The following DDI2 variants were observed in gnomAD, a reference collection of about 807,000 sequenced individuals.
DDI2 encodes the protein DDI proteasomal shuttling factor 2, also known as protein DDI1 homolog 2.
Under a neutral mutation model 48.1 loss-of-function variants are expected in DDI2, and 5 were observed. The ratio of observed to expected loss-of-function variants is 0.10; its 90% CI spans 0.05 to 0.22. The LOEUF is 0.22. Ranked by LOEUF, DDI2 falls within the 10% of genes least tolerant of loss-of-function variation. The pLI is 1.00. For synonymous variants in DDI2, 205 were observed against 183.6 expected (o/e 1.12, Z -0.94); for missense variants, 285 against 506.2 (o/e 0.56, Z 4.19).
intron 6 of DDI2, among the ~76,000 whole-genome samples, chr1:15,648,924 G>A (rs1640132793): frequency 6.6e-6 from 1 of 151,836 alleles, no homozygotes; most frequent in African/African-American, 2.4e-5. Context: ...CTTGTGTAAG[G>A]AAGGAGTTCT....
chr1:15,652,297 G>C (rs1202708481), intron 8 of DDI2, among the ~76,000 whole-genome samples: 7 of 151,536 alleles, frequency 4.6e-5, no homozygotes, highest in African/African-American at 1.7e-4. Context: ...GGCTCAAGCA[G>C]TCCTCCTGCC....
At position 15,630,446 on chromosome 1, in the gene DDI2, G is replaced by A. The variant is rs1639825793; in HGVS notation, c.390G>A (p.Gln130=). 1.9e-6 allele frequency: 3 copies of A among 1,614,114 alleles called. No homozygotes were observed. Among genetic ancestry groups the A allele is most frequent in the Admixed American group, 1.7e-5 (1 of 60,004 alleles). Residue 130 remains glutamine, a synonymous_variant, in exon 3 of 10, where the codon CAG becomes CAA. Transcript: ENST00000480945. ...SSPGEITSSP[Q]GLDNPALLRD... is the part of the protein sequence containing the mutation. ...CTGGAGAAATAACTTCATCTCCTCAGGGCTTGGACAATCCAGCCTTGCTCC... is the reference window on the plus strand; with the variant it reads ...CTGGAGAAATAACTTCATCTCCTCAAGGCTTGGACAATCCAGCCTTGCTCC...
chr1:15,621,620 G>A (rs1292427378), intron 1 of DDI2, among the ~76,000 whole-genome samples: 2 of 152,114 alleles, frequency 1.3e-5, no homozygotes, highest in East Asian at 1.9e-4. Flanking sequence ...TCCTGACCTC[G>A]GATGATCTGC....
At chr1:15,643,031 C>T (rs1440543062) in intron 5 of DDI2, among the ~76,000 whole-genome samples, 2 of 152,048 alleles carry the variant, frequency 1.3e-5, no homozygotes, top group Non-Finnish European at 2.9e-5. Context: ...TGCGCCACTG[C>T]ACTTCAGCCT....
At position 15,626,650 on chromosome 1, in the gene DDI2, A is replaced by G. The variant is rs967176786; in HGVS notation, c.139-19A>G. ...ACTTCTCAGTGCTTTATACTGTTGT[A>G]TATCTTTTCTTGTTGTAGATCGTCT... On this transcript the variant is annotated intron_variant, in intron 1 of 9. Coordinates refer to ENST00000480945, the MANE Select transcript of DDI2 (RefSeq NM_032341.5). The G allele has an allele frequency of 6.2e-6, 10 of 1,613,936 alleles. No individual in the cohort carries two copies. The highest frequency in any genetic ancestry group is 1.1e-5 in the South Asian group (1 of 91,080).
intron 6 of DDI2, among the ~76,000 whole-genome samples, chr1:15,644,559 A>C (rs1640056252): frequency 7.2e-6 from 1 of 139,402 alleles, no homozygotes; most frequent in Non-Finnish European, 1.6e-5. Context: ...TTTATGTGAA[A>C]GTTTTCTTTT....
intron 5 of DDI2, among the ~76,000 whole-genome samples, chr1:15,641,244 G>A (rs1310275615): frequency 6.6e-6 from 1 of 152,120 alleles, no homozygotes; most frequent in African/African-American, 2.4e-5. Context: ...GGCTGAGGCG[G>A]GTAGACCATT....
At chr1:15,657,449 G>A (rs1238126088) in intron 9 of DDI2, among the ~76,000 whole-genome samples, 1 of 152,162 alleles carries the variant, frequency 6.6e-6, no homozygotes, top group Non-Finnish European at 1.5e-5. Flanking sequence ...AGCAGGCATA[G>A]TTGAATTATT....
intron 6 of DDI2, 42 bp from the exon 7 acceptor site, chr1:15,649,678 G>A (rs1386299721): frequency 6.3e-7 from 1 of 1,585,182 alleles, no homozygotes; most frequent in Admixed American, 1.8e-5. Context: ...TCTCTGTTTT[G>A]AAGTACGTAA....
intron 8 of DDI2, 26 bp from the exon 9 acceptor site, chr1:15,656,591 G>C (rs1481004016): frequency 6.2e-7 from 1 of 1,614,114 alleles, no homozygotes; most frequent in Admixed American, 1.7e-5. Flanking sequence ...ACCCAAGTTT[G>C]CTTGTCTGTT....
chr1:15,661,393 G>A lies in DDI2; in HGVS notation c.*1603G>A, dbSNP rs142348656. The A allele has an allele frequency of 3.9e-5, 63 of 1,614,164 alleles. No homozygotes were observed. The African/African-American group carries it at 6.8e-4, about 17-fold the overall frequency. ...GGAGGATGCACTCAATCAGACTTCT[G>A]AGCAAACTAAGTCTTTGTCATCCAA... On this transcript the variant is annotated 3_prime_UTR_variant, in exon 10 of 10. Coordinates refer to ENST00000480945, the MANE Select transcript of DDI2 (RefSeq NM_032341.5).
intron 6 of DDI2, among the ~76,000 whole-genome samples, chr1:15,645,604 C>A (rs1421590877): frequency 6.6e-6 from 1 of 151,848 alleles, no homozygotes; most frequent in Admixed American, 6.6e-5. Flanking sequence ...CGGGATGGCT[C>A]ACACCTATAA....
intron 7 of DDI2, among the ~76,000 whole-genome samples, chr1:15,650,227 A>G (rs1640156278): frequency 6.6e-6 from 1 of 152,230 alleles, no homozygotes; most frequent in African/African-American, 2.4e-5. Context: ...TAAGGAAGGT[A>G]TATGTTGGGA....
At chr1:15,636,292 A>G (rs1379947714) in intron 4 of DDI2, among the ~76,000 whole-genome samples, 1 of 151,974 alleles carries the variant, frequency 6.6e-6, no homozygotes, top group Non-Finnish European at 1.5e-5. Flanking sequence ...ACACCTGGCT[A>G]ATTTTTCTTG....
At chr1:15,656,760 G>A in intron 9 of DDI2, 81 bp downstream of exon 9, 3 of 1,585,526 alleles carry the variant, frequency 1.9e-6, no homozygotes, top group Non-Finnish European at 1.7e-6. Context: ...AGTTTGGGAA[G>A]TTAGCATTTG....
rs1557628118 is a variant in DDI2, at chr1:15,665,339, C to T, written c.*5549C>T. 1 of 151,512 alleles carries T rather than the reference C, an allele frequency of 6.6e-6. No individual in the cohort carries two copies. Among genetic ancestry groups the T allele is most frequent in the Non-Finnish European group, 1.5e-5 (1 of 68,022 alleles). 9.4% of individuals were successfully genotyped at this position (151,512 alleles called of 1,614,324 possible). Reference sequence around the variant, plus strand: ...GATGGCGAGTGCATGTGTTAAAACTCTTCTGCCTTGCAGCCCACATCTTCT... The same window carrying T: ...GATGGCGAGTGCATGTGTTAAAACTTTTCTGCCTTGCAGCCCACATCTTCT... On this transcript the variant is annotated 3_prime_UTR_variant, in exon 10 of 10. Transcript: ENST00000480945.
At chr1:15,633,777 C>G (rs1353826682) in intron 4 of DDI2, 2 of 648,320 alleles carry the variant, frequency 3.1e-6, no homozygotes, top group South Asian at 1.4e-5. Flanking sequence ...AGTTTAATGA[C>G]TTTCTTTCTA....
intron 1 of DDI2, among the ~76,000 whole-genome samples, chr1:15,621,793 TGTAA>T (rs1639671658): frequency 1.3e-5 from 2 of 152,228 alleles, no homozygotes; most frequent in African/African-American, 2.4e-5. Flanking sequence ...TGGAAGCAGT[TGTAA>T]GTAACATGCC....
At position 15,668,001 on chromosome 1, in the gene DDI2, G is replaced by T. The variant is rs1362421948; in HGVS notation, c.*8211G>T. On this transcript the variant is annotated 3_prime_UTR_variant, in exon 10 of 10. Transcript: ENST00000480945. ...GTTAAGCCAACTATGGAAGATTGGG[G>T]TCGTGGGGGCATGAAATACAAAATT... is the stretch of plus-strand genomic sequence containing the variant. 2 of 152,120 alleles carry T rather than the reference G, an allele frequency of 1.3e-5. No individual in the cohort carries two copies. The highest frequency in any genetic ancestry group is 6.5e-5 in the Admixed American group (1 of 15,270). The allele number at this position is 152,120 out of a possible 1,614,324, so 9.4% of individuals were successfully genotyped here. A position where few individuals can be genotyped will look rare whatever the true frequency, so the allele number is the denominator to read the frequency against.
Sources: gnomAD v4.1 joint callset for allele counts (sites outside exome capture counted in the v4.1 genomes callset) on GRCh38, gnomAD v4.1.1 for gene constraint, MANE v1.5 for transcripts, NCBI Gene and HGNC (gene_info 2026-07-23, HGNC 2026-07-21) for gene names.